The following ABCC11 variants were observed in gnomAD, a reference collection of about 807,000 sequenced individuals.
The protein encoded by ABCC11 is ATP-binding cassette sub-family C member 11.
ABCC11 carries 135 observed loss-of-function variants against 149.3 expected under a neutral mutation model. That is an observed-to-expected ratio of 0.90 (90% CI 0.79 to 1.04). The LOEUF (loss-of-function observed/expected upper bound fraction) is 1.04, where lower values mean the gene tolerates loss of function less well. Ranked by LOEUF, ABCC11 falls within the 50% of genes least tolerant of loss-of-function variation. ABCC11 has a pLI of 0.00. For missense variants in ABCC11, 1,680 were observed against 1,722.1 expected, an observed-to-expected ratio of 0.98 and a Z score of 0.43; for synonymous variants, 665 against 671.4, an observed-to-expected ratio of 0.99 and a Z score of 0.15.
intron 18 of ABCC11, among the ~76,000 whole-genome samples, chr16:48,194,200 A>G (rs1411724161): frequency 6.6e-6 from 1 of 152,180 alleles, no homozygotes; most frequent in Non-Finnish European, 1.5e-5. Context: ...GACCTTGGAT[A>G]AGGTACCAAA....
intron 24 of ABCC11, among the ~76,000 whole-genome samples, chr16:48,177,797 A>G: frequency 6.6e-6 from 1 of 152,334 alleles, no homozygotes; most frequent in East Asian, 1.9e-4. Flanking sequence ...AGAGCCCTAC[A>G]ATTCATAAAT....
rs1965345574 is a variant in ABCC11 at position 48,166,507 on chromosome 16, ACT to A, written c.*765_*766del. 1.3e-5 allele frequency among the ~76,000 whole-genome samples: 2 copies of A among 151,356 alleles called. No individual in the cohort carries two copies. Among genetic ancestry groups the A allele is most frequent in the Admixed American group, 6.6e-5 (1 of 15,220 alleles). On this transcript the variant is annotated 3_prime_UTR_variant, in exon 30 of 30. Coordinates refer to ENST00000356608, the MANE Select transcript of ABCC11 (RefSeq NM_001370497.1). ...TATCTTTCTGTTACAAGACCAACAAACTCTTTTTTTTTTCCAAAGTTAGTTTG... is the reference window on the plus strand; with the variant it reads ...TATCTTTCTGTTACAAGACCAACAAACTTTTTTTTTTCCAAAGTTAGTTTG...
intron 25 of ABCC11, among the ~76,000 whole-genome samples, 199 bp downstream of exon 25, chr16:48,176,725 C>T (rs932605709): frequency 2.0e-5 from 3 of 152,164 alleles, no homozygotes; most frequent in African/African-American, 4.8e-5. Context: ...ATTTAACATC[C>T]GTCTCCTCCA....
chr16:48,208,345 G>T, intron 12 of ABCC11, 80 bp downstream of exon 12: 2 of 1,555,708 alleles, frequency 1.3e-6, no homozygotes, highest in Non-Finnish European at 1.8e-6. Context: ...AAGCAGTGGG[G>T]GGCCCCGCCT....
rs776183226 is a variant in ABCC11 at position 48,216,329 on chromosome 16, G to GAC, written c.778-43_778-42insGT. On this transcript the variant is annotated intron_variant, in intron 6 of 29. Transcript: ENST00000356608. ...TGATGGGCACAGATGTCACCTCCCT[G>GAC]GGTACACAGAAGGGGTGGCAGGTGG... 1.6e-5 allele frequency: 26 copies of GAC among 1,593,024 alleles called. No individual in the cohort carries two copies. In the Middle Eastern group the frequency reaches 8.9e-4, roughly 54 times the overall value.
intron 7 of ABCC11, 120 bp downstream of exon 7, chr16:48,215,994 T>C (rs1485015092): frequency 1.8e-6 from 2 of 1,140,454 alleles, no homozygotes; most frequent in Non-Finnish European, 2.5e-6. Context: ...AGCTGAATCT[T>C]AACCACAATG....
At chr16:48,167,798 GC>G in intron 28 of ABCC11, 138 bp from the exon 29 acceptor site, 1 of 1,011,978 alleles carries the variant, frequency 9.9e-7, no homozygotes, top group Non-Finnish European at 1.5e-6. Context: ...GGAGAATTAT[GC>G]CGAGTGCAAA....
rs143831136 is a variant in ABCC11, at chr16:48,237,604, A to G, written c.-18-5665T>C. Among the ~76,000 whole-genome samples, 368 of 152,296 alleles carry G rather than the reference A, an allele frequency of 2.4e-3. 4 individuals are homozygous for G. Among genetic ancestry groups the G allele is most frequent in the African/African-American group, 8.6e-3 (359 of 41,550 alleles). ...TAACTTTTGAAAATATAAGCTAGAT[A>G]ATGTTATTCCTCAACTTGATCTCTC... On this transcript the variant is annotated intron_variant, in intron 1 of 29. Coordinates refer to ENST00000356608, the MANE Select transcript of ABCC11 (RefSeq NM_001370497.1).
chr16:48,228,080 C>A, intron 3 of ABCC11, 116 bp from the exon 4 acceptor site: 1 of 960,920 alleles, frequency 1.0e-6, no homozygotes, highest in South Asian at 1.9e-5. Flanking sequence ...AACATGTTTT[C>A]ATGACTCTTA....
chr16:48,231,863 C>T lies in ABCC11; in HGVS notation c.59G>A (p.Gly20Asp). ...PNSSGGLVNR[G>D]IDIGDDMVSG... ...AACCATGTCATCGCCTATGTCGATG[C>T]CACGATTCACGAGGCCACCAGAAGA... Residue 20 changes from glycine to aspartate, a missense_variant, in exon 2 of 30, where the codon GGC (glycine) becomes GAC (aspartate). Gly to Asp is a moderately conservative substitution (Grantham distance 94, BLOSUM62 -1). Transcript: ENST00000356608. 6.2e-7 allele frequency: 1 copy of T among 1,614,124 alleles called. No homozygotes were observed. The highest frequency in any genetic ancestry group is 1.3e-5 in the African/African-American group (1 of 75,024).
At chr16:48,188,874 G>A (rs948124350) in intron 20 of ABCC11, among the ~76,000 whole-genome samples, 1 of 152,198 alleles carries the variant, frequency 6.6e-6, no homozygotes, top group African/African-American at 2.4e-5. Flanking sequence ...GAAGCCAATG[G>A]CATTTATTAA....
In ABCC11 at chr16:48,186,989, A is replaced by G; in HGVS notation, c.3035T>C (p.Ile1012Thr). Residue 1012 changes from isoleucine to threonine, a missense_variant, in exon 22 of 30, where the codon ATC (isoleucine) becomes ACC (threonine). Transcript: ENST00000356608. ...GTCTTCAGTTTTTCCATAGACATGG[A>G]TGGAGCTCAGGCCTTGCAGAGAATT... The part of the protein sequence containing the change: ...ILNSLQGLSS[I>T]HVYGKTEDFI... 2 of 1,614,168 alleles carry G rather than the reference A, an allele frequency of 1.2e-6. No homozygotes were observed. Among genetic ancestry groups the G allele is most frequent in the East Asian group, 4.5e-5 (2 of 44,878 alleles).
At chr16:48,231,977 A>T (rs1970449620) in intron 1 of ABCC11, 38 bp from the exon 2 acceptor site, 1 of 1,611,522 alleles carries the variant, frequency 6.2e-7, no homozygotes, top group African/African-American at 1.3e-5. Flanking sequence ...AAAAGACAGC[A>T]GGAGTTAGAA....
Position 48,194,100 on chromosome 16 carries a change from T to A in ABCC11, c.2405-118A>T, listed in dbSNP as rs147720922. On this transcript the variant is annotated intron_variant, in intron 18 of 29. Coordinates refer to ENST00000356608, the MANE Select transcript of ABCC11 (RefSeq NM_001370497.1). ...TTGGAAACCCTTGAGCCCCACCCAA[T>A]GTGGACACCTTGGAGGAATGGGAAG... is the stretch of plus-strand genomic sequence containing the variant. The A allele has an allele frequency of 4.3e-4, 292 of 673,670 alleles. 1 individual carries two copies. The highest frequency in any genetic ancestry group is 2.0e-3 in the Middle Eastern group (7 of 3,532). 41.7% of individuals were successfully genotyped at this position (673,670 alleles called of 1,614,324 possible).
chr16:48,245,802 A>G (rs900473360), intron 1 of ABCC11, among the ~76,000 whole-genome samples: 1 of 152,178 alleles, frequency 6.6e-6, no homozygotes, highest in South Asian at 2.1e-4. Flanking sequence ...CTAAAATTTT[A>G]TATGTGGTCC....
intron 1 of ABCC11, among the ~76,000 whole-genome samples, chr16:48,243,754 G>A (rs981236769): frequency 6.6e-6 from 1 of 152,210 alleles, no homozygotes; most frequent in African/African-American, 2.4e-5. Context: ...CACTTTGGGA[G>A]GCCGAGGTGG....
At chr16:48,196,678 C>G (rs935036339) in intron 17 of ABCC11, among the ~76,000 whole-genome samples, 1 of 152,164 alleles carries the variant, frequency 6.6e-6, no homozygotes, top group East Asian at 1.9e-4. Context: ...ATCACTTAAC[C>G]CTTCTGTTTC....
Position 48,208,494 on chromosome 16 carries a change from C to A in ABCC11, c.1611G>T (p.Gly537=). The A allele has an allele frequency of 6.2e-7, 1 of 1,614,146 alleles. No homozygotes were observed. The highest frequency in any genetic ancestry group is 1.3e-5 in the African/African-American group (1 of 75,056). Residue 537 remains glycine (G), a splice_region_variant and synonymous_variant, in exon 12 of 30, where the codon GGG becomes GGT. Coordinates refer to ENST00000356608, the MANE Select transcript of ABCC11 (RefSeq NM_001370497.1). ...LHKINLVVSK[G]MMLGVCGNTG... ...TGTTGCCGCAGACCCCTAACATCAT[C>A]CCCTGCAAGCCAAGGAGGACATACA...
intron 26 of ABCC11, among the ~76,000 whole-genome samples, chr16:48,172,121 T>G (rs574062656): frequency 1.4e-4 from 21 of 152,344 alleles, no homozygotes; most frequent in African/African-American, 4.3e-4. Context: ...CTACCTCATA[T>G]AAGTGGACTC....
Sources: gnomAD v4.1 joint callset for allele counts (sites outside exome capture counted in the v4.1 genomes callset) on GRCh38, gnomAD v4.1.1 for gene constraint, MANE v1.5 for transcripts, NCBI Gene and HGNC (gene_info 2026-07-23, HGNC 2026-07-21) for gene names.